ABCB1: variants seen among roughly 807,000 people sequenced by gnomAD.
ABCB1 encodes the protein ATP-dependent translocase ABCB1.
A neutral mutation model predicts 142.0 loss-of-function variants in ABCB1; 69 were observed. The observed-to-expected ratio is 0.49, with a 90% CI of 0.40 to 0.59. The LOEUF is 0.59. Among genes scored for constraint, ABCB1 ranks in the 20% least tolerant of loss-of-function variants. ABCB1 has a pLI of 0.00. For synonymous variants in ABCB1, 532 were observed against 539.2 expected, an observed-to-expected ratio of 0.99 and a Z score of 0.18; for missense variants, 1,326 against 1,554.7, an observed-to-expected ratio of 0.85 and a Z score of 2.47.
At chr7:87,582,234 G>A (rs1186130694) in intron 4 of ABCB1, among the ~76,000 whole-genome samples, 1 of 152,132 alleles carries the variant, frequency 6.6e-6, no homozygotes, top group Non-Finnish European at 1.5e-5. Flanking sequence ...ATTTTGAAAT[G>A]GTTTCATCTG....
upstream of ABCB1, among the ~76,000 whole-genome samples, chr7:87,605,379 C>G (rs765376307): frequency 7.9e-5 from 12 of 152,294 alleles, no homozygotes; most frequent in South Asian, 1.0e-3. Context: ...AGTGATCCAC[C>G]CACCTCAGCC....
At chr7:87,606,317 T>C (rs1224329583) in intron 1 of ABCB1, among the ~76,000 whole-genome samples, 2 of 152,028 alleles carry the variant, frequency 1.3e-5, no homozygotes, top group Non-Finnish European at 2.9e-5. Flanking sequence ...AAGAGTTAAA[T>C]AAACAAGTAG....
chr7:87,574,927 T>C (rs1278916598), intron 4 of ABCB1, among the ~76,000 whole-genome samples: 1 of 152,222 alleles, frequency 6.6e-6, no homozygotes, highest in African/African-American at 2.4e-5. Context: ...CCCAACCTGT[T>C]GTATCTGCTA....
chr7:87,619,063 C>G (rs984316286), intron 1 of ABCB1, among the ~76,000 whole-genome samples: 3 of 152,196 alleles, frequency 2.0e-5, no homozygotes, highest in African/African-American at 7.2e-5. Flanking sequence ...CTGTGCCAGA[C>G]TTCTGACCTA....
At chr7:87,696,383 G>C (rs961973585) in intron 1 of ABCB1, among the ~76,000 whole-genome samples, 1 of 152,164 alleles carries the variant, frequency 6.6e-6, no homozygotes, top group Non-Finnish European at 1.5e-5. Flanking sequence ...GTTAAATACA[G>C]GTTATAGACT....
At chr7:87,652,646 A>ATATAT (rs1563105075) in intron 1 of ABCB1, among the ~76,000 whole-genome samples, 7 of 147,196 alleles carry the variant, frequency 4.8e-5, no homozygotes, top group African/African-American at 1.3e-4. Context: ...ATATATATAT[A>ATATAT]GTAGGAAGTA....
chr7:87,675,736 A>G (rs1041575693), intron 1 of ABCB1, among the ~76,000 whole-genome samples: 7 of 151,512 alleles, frequency 4.6e-5, no homozygotes, highest in African/African-American at 1.7e-4. Context: ...CCTTTCTCTT[A>G]TATCATACAC....
At chr7:87,629,653 C>T (rs938081825) in intron 1 of ABCB1, among the ~76,000 whole-genome samples, 15 of 152,072 alleles carry the variant, frequency 9.9e-5, no homozygotes, top group Non-Finnish European at 1.6e-4. Flanking sequence ...TTGGGCCGGG[C>T]GCGGTGGCTT....
chr7:87,596,618 T>A (rs934349654), intron 2 of ABCB1, among the ~76,000 whole-genome samples: 1 of 152,098 alleles, frequency 6.6e-6, no homozygotes, highest in Non-Finnish European at 1.5e-5. Flanking sequence ...TTTGTAGGTA[T>A]AAAAGAAAAA....
chr7:87,515,436 G>A lies in ABCB1; in HGVS notation c.3085-8C>T, dbSNP rs1297809094. 1 of 1,613,570 alleles carries A rather than the reference G, an allele frequency of 6.2e-7. No individual in the cohort carries two copies. Among genetic ancestry groups the A allele is most frequent in the Admixed American group, 1.7e-5 (1 of 60,016 alleles). On this transcript the variant is annotated splice_region_variant and splice_polypyrimidine_tract_variant and intron_variant, in intron 24 of 27. Coordinates refer to ENST00000622132, the MANE Select transcript of ABCB1 (RefSeq NM_001348946.2). ...ATTTCCTTCCAATGTGTTCTGCAATGAGAAGAATAACAGTAAATTTGAATG... is the reference window on the plus strand; with the variant it reads ...ATTTCCTTCCAATGTGTTCTGCAATAAGAAGAATAACAGTAAATTTGAATG...
At chr7:87,602,753 C>T (rs1819509624), upstream of ABCB1, among the ~76,000 whole-genome samples, 1 of 152,106 alleles carries the variant, frequency 6.6e-6, no homozygotes, top group Admixed American at 6.5e-5. Flanking sequence ...TTCTACCATT[C>T]TATTATATTG....
intron 1 of ABCB1, among the ~76,000 whole-genome samples, chr7:87,698,736 C>T (rs972119808): frequency 3.9e-5 from 6 of 152,090 alleles, no homozygotes; most frequent in African/African-American, 1.4e-4. Flanking sequence ...GACAAAATTC[C>T]TGCCTTAGTG....
At chr7:87,509,180 T>G in intron 26 of ABCB1, 95 bp downstream of exon 26, 1 of 1,301,968 alleles carries the variant, frequency 7.7e-7, no homozygotes, top group Non-Finnish European at 1.1e-6. Flanking sequence ...TGCTAATTTC[T>G]CTTCACTTCT....
intron 1 of ABCB1, among the ~76,000 whole-genome samples, chr7:87,661,608 T>G (rs1824724319): frequency 6.6e-6 from 1 of 152,070 alleles, no homozygotes; most frequent in African/African-American, 2.4e-5. Context: ...TCTCATTTTT[T>G]TATGGCTGAA....
intron 4 of ABCB1, among the ~76,000 whole-genome samples, chr7:87,584,368 G>A (rs1396438749): frequency 6.6e-6 from 1 of 152,164 alleles, no homozygotes; most frequent in African/African-American, 2.4e-5. Context: ...TGTAAGCTAA[G>A]TGGTATCACT....
intron 4 of ABCB1, among the ~76,000 whole-genome samples, chr7:87,578,928 C>G (rs1200311006): frequency 6.6e-6 from 1 of 151,904 alleles, no homozygotes; most frequent in Non-Finnish European, 1.5e-5. Context: ...CTCCTGACCT[C>G]GTGATCCACC....
chr7:87,700,398 A>T (rs542766792), intron 1 of ABCB1: 2 of 1,556,096 alleles, frequency 1.3e-6, no homozygotes, highest in African/African-American at 1.4e-5. Context: ...TTAAAATTTT[A>T]TATCGCAATT....
chr7:87,551,609 G>A lies in ABCB1; in HGVS notation c.1000-771C>T, dbSNP rs532690669. ...GGGTTCAGACAACCCTCTCACCTCA[G>A]TCTCCGAAGTAGCTGGGACTACAGA... On this transcript the variant is annotated intron_variant, in intron 9 of 27. Transcript: ENST00000622132. Among the ~76,000 whole-genome samples the A allele has an allele frequency of 9.2e-5, 14 of 151,972 alleles. 1 individual carries two copies. In the South Asian group the frequency reaches 2.9e-3, roughly 32 times the overall value.
In ABCB1 at chr7:87,550,545, G is replaced by A. The variant is rs767962530; in HGVS notation, c.1147C>T (p.His383Tyr). The A allele has an allele frequency of 1.9e-6, 3 of 1,613,358 alleles. No homozygotes were observed. In the East Asian group the frequency reaches 6.7e-5, roughly 36 times the overall value. Residue 383 changes from histidine to tyrosine, a missense_variant, in exon 11 of 28, where the codon CAC (histidine) becomes TAC (tyrosine). By Grantham distance (83) the His-to-Tyr change is moderately conservative. Coordinates refer to ENST00000622132, the MANE Select transcript of ABCB1 (RefSeq NM_001348946.2). Reference sequence around the variant, plus strand: ...TTTCCCTTAATATTATCTGGTTTGTGCCCACTCTTCGAATAGCTGTCAATA... The same window carrying A: ...TTTCCCTTAATATTATCTGGTTTGTACCCACTCTTCGAATAGCTGTCAATA... ...PSIDSYSKSG[H>Y]KPDNIKGNLE...
Sources: allele counts gnomAD v4.1 joint callset (sites outside exome capture counted in the v4.1 genomes callset), GRCh38; gene constraint gnomAD v4.1.1; transcripts MANE v1.5; gene names NCBI Gene and HGNC (gene_info 2026-07-23, HGNC 2026-07-21).